AP3S1: variants seen among roughly 807,000 people sequenced by gnomAD.
The protein encoded by AP3S1 is AP-3 complex subunit sigma-1.
Under a neutral mutation model 21.3 loss-of-function variants are expected in AP3S1, and 12 were observed. The ratio of observed to expected loss-of-function variants is 0.56; its 90% CI spans 0.36 to 0.91. The LOEUF is 0.91. AP3S1 is among the 40% of genes least tolerant of loss of function. The pLI is 0.01. For missense variants in AP3S1, 116 were observed against 225.0 expected (o/e 0.52, Z 3.10); for synonymous variants, 48 against 78.4 (o/e 0.61, Z 2.05).
At chr5:115,866,840 A>G (rs1763661182) in intron 2 of AP3S1, 79 bp downstream of exon 2, 2 of 857,188 alleles carry the variant, frequency 2.3e-6, no homozygotes, top group Admixed American at 7.0e-5. Context: ...GTTTATGGTA[A>G]AAGTTTTCTA....
chr5:115,845,330 A>G (rs1164516460), intron 1 of AP3S1, among the ~76,000 whole-genome samples: 1 of 152,144 alleles, frequency 6.6e-6, no homozygotes, highest in African/African-American at 2.4e-5. Context: ...ATCCTACTGC[A>G]CTTCATTTTC....
At chr5:115,883,233 C>G (rs1749467096) in intron 3 of AP3S1, among the ~76,000 whole-genome samples, 1 of 152,156 alleles carries the variant, frequency 6.6e-6, no homozygotes, top group African/African-American at 2.4e-5. Context: ...CACTGGTGTT[C>G]CAGGTGCCTC....
chr5:115,897,038 A>G (rs1486163157), intron 4 of AP3S1, among the ~76,000 whole-genome samples: 1 of 152,214 alleles, frequency 6.6e-6, no homozygotes, highest in East Asian at 1.9e-4. Flanking sequence ...AATGTTTTTA[A>G]AACTTCTATT....
intron 3 of AP3S1, among the ~76,000 whole-genome samples, chr5:115,893,777 T>C (rs888692980): frequency 2.0e-5 from 3 of 152,206 alleles, no homozygotes; most frequent in Non-Finnish European, 4.4e-5. Context: ...AGTCCTGGTT[T>C]ATAGCTGTTG....
chr5:115,892,310 A>G (rs1326302884), intron 3 of AP3S1, among the ~76,000 whole-genome samples: 2 of 152,334 alleles, frequency 1.3e-5, no homozygotes, highest in Non-Finnish European at 2.9e-5. Context: ...TGCTGGGTAT[A>G]TATTCAAAAG....
chr5:115,859,193 A>T (rs1476336577), intron 1 of AP3S1, among the ~76,000 whole-genome samples: 1 of 152,206 alleles, frequency 6.6e-6, no homozygotes. Flanking sequence ...TAGGCAGTTT[A>T]GGTAGTGTAG....
chr5:115,906,712 T>C (rs904333760), intron 5 of AP3S1: 3 of 773,244 alleles, frequency 3.9e-6, no homozygotes, highest in Non-Finnish European at 5.7e-6. Flanking sequence ...ATGTTATTCT[T>C]AAGATGGATA....
At chr5:115,894,821 G>A (rs889198417) in intron 3 of AP3S1, among the ~76,000 whole-genome samples, 1 of 152,162 alleles carries the variant, frequency 6.6e-6, no homozygotes, top group African/African-American at 2.4e-5. Context: ...GCTTTTGTAA[G>A]AAATGGTGCT....
intron 5 of AP3S1, among the ~76,000 whole-genome samples, chr5:115,910,690 T>C (rs868313691): frequency 2.6e-5 from 4 of 152,050 alleles, no homozygotes; most frequent in African/African-American, 9.6e-5. Context: ...CTGAGTGACA[T>C]AAAGTCTTTT....
chr5:115,881,025 CTT>C (rs535455509), intron 3 of AP3S1, among the ~76,000 whole-genome samples: 1 of 146,122 alleles, frequency 6.8e-6, no homozygotes, highest in African/African-American at 2.5e-5. Context: ...GCAACCCCTG[CTT>C]TTTTTTTTGC....
chr5:115,903,144 T>C lies in AP3S1; in HGVS notation c.453+152T>C. 9.0e-6 allele frequency: 5 copies of C among 558,526 alleles called. No individual in the cohort carries two copies. In the South Asian group the frequency reaches 9.7e-5, roughly 11 times the overall value. 34.6% of individuals were successfully genotyped at this position (558,526 alleles called of 1,614,324 possible). On this transcript the variant is annotated intron_variant, in intron 5 of 5. Transcript: ENST00000316788. ...TTTAAAAAATGGAATATACACGTAG[T>C]ATGCTAAAGGTTCTGTGACTGTTCT...
chr5:115,912,135 A>T (rs1752158288), intron 5 of AP3S1: 1 of 152,010 alleles, frequency 6.6e-6, no homozygotes. Flanking sequence ...GATTTTTCTC[A>T]GGTAACAGCT....
intron 3 of AP3S1, among the ~76,000 whole-genome samples, chr5:115,892,312 A>G (rs566631188): frequency 2.0e-5 from 3 of 152,232 alleles, no homozygotes; most frequent in South Asian, 2.1e-4. Flanking sequence ...CTGGGTATAT[A>G]TTCAAAAGAA....
chr5:115,885,567 C>T (rs769144364), intron 3 of AP3S1, among the ~76,000 whole-genome samples: 2 of 152,186 alleles, frequency 1.3e-5, no homozygotes, highest in Non-Finnish European at 2.9e-5. Flanking sequence ...TTGTTCTAGC[C>T]ACGCTGGCAG....
intron 3 of AP3S1, among the ~76,000 whole-genome samples, chr5:115,888,741 T>C (rs1442299625): frequency 1.3e-5 from 2 of 152,094 alleles, no homozygotes; most frequent in African/African-American, 4.8e-5. Flanking sequence ...CTTCCTTTTA[T>C]ATCAGTATTT....
chr5:115,905,246 GC>G (rs1171223812), intron 5 of AP3S1, among the ~76,000 whole-genome samples: 13 of 152,128 alleles, frequency 8.5e-5, no homozygotes, highest in Non-Finnish European at 1.3e-4. Flanking sequence ...CGTTAATGAG[GC>G]AATTTTTCTT....
intron 3 of AP3S1, among the ~76,000 whole-genome samples, chr5:115,894,620 T>G (rs1750592205): frequency 6.6e-6 from 1 of 152,186 alleles, no homozygotes; most frequent in African/African-American, 2.4e-5. Context: ...TAAGTCTGAT[T>G]CCAAAGTCTG....
At chr5:115,862,000 C>T (rs1763234415) in intron 1 of AP3S1, among the ~76,000 whole-genome samples, 1 of 151,384 alleles carries the variant, frequency 6.6e-6, no homozygotes, top group Non-Finnish European at 1.5e-5. Context: ...GTGCCCAACT[C>T]AGAATCATTC....
At chr5:115,842,334 C>T (rs944936623) in intron 1 of AP3S1, among the ~76,000 whole-genome samples, 4 of 152,182 alleles carry the variant, frequency 2.6e-5, no homozygotes, top group South Asian at 2.1e-4. Flanking sequence ...GTTCCTCCGC[C>T]CGTCGGTGGG....
Sources: allele counts gnomAD v4.1 joint callset (sites outside exome capture counted in the v4.1 genomes callset), GRCh38; gene constraint gnomAD v4.1.1; transcripts MANE v1.5; gene names NCBI Gene and HGNC (gene_info 2026-07-23, HGNC 2026-07-21).